Variants in HHAT observed in about 807,000 individuals in gnomAD.
HHAT encodes hedgehog acyltransferase, also known as protein-cysteine N-palmitoyltransferase HHAT.
A neutral mutation model predicts 70.8 loss-of-function variants in HHAT; 47 were observed. The observed-to-expected ratio is 0.66, with a 90% CI of 0.53 to 0.85. The LOEUF is 0.85. Ranked by LOEUF, HHAT falls within the 40% of genes least tolerant of loss-of-function variation. HHAT has a pLI of 0.00. For synonymous variants in HHAT, 228 were observed against 247.6 expected (o/e 0.92, Z 0.74); for missense variants, 609 against 604.8 (o/e 1.01, Z -0.07).
At chr1:210,673,762 A>ATTATTTATTTAT (rs58146322) in intron 11 of HHAT, among the ~76,000 whole-genome samples, 5 of 92,044 alleles carry the variant, frequency 5.4e-5, no homozygotes, top group South Asian at 4.7e-4. Context: ...TGGCTTATTT[A>ATTATTTATTTAT]TTATTTATTT....
rs1204851287 is a variant in HHAT, at chr1:210,635,776, G to A, written c.1390+12106G>A. On this transcript the variant is annotated intron_variant, in intron 11 of 11. Transcript: ENST00000261458. ...AATGGTCACTCCAGATTTCCCCTCTGTTTCTTTGGCTTTGCCCCTAGAATT... is the reference window on the plus strand; with the variant it reads ...AATGGTCACTCCAGATTTCCCCTCTATTTCTTTGGCTTTGCCCCTAGAATT... 2.0e-5 allele frequency among the ~76,000 whole-genome samples: 3 copies of A among 152,152 alleles called. No homozygotes were observed. In the East Asian group the frequency reaches 5.8e-4, roughly 29 times the overall value.
intron 10 of HHAT, among the ~76,000 whole-genome samples, chr1:210,616,345 C>G (rs574585175): frequency 8.0e-5 from 12 of 150,912 alleles, no homozygotes; most frequent in African/African-American, 2.9e-4. Context: ...TCCAACACCC[C>G]CTTTTCCCCC....
intron 9 of HHAT, among the ~76,000 whole-genome samples, chr1:210,584,183 C>CTG (rs1659909813): frequency 1.3e-5 from 2 of 151,752 alleles, no homozygotes; most frequent in Non-Finnish European, 2.9e-5. Context: ...CTCAAGTGAC[C>CTG]CCCCAGCCTC....
intron 11 of HHAT, chr1:210,631,261 T>C (rs1309745672): frequency 2.6e-6 from 1 of 384,922 alleles, no homozygotes; most frequent in Non-Finnish European, 5.1e-6. Context: ...AACCACTGTT[T>C]ACACCATGAA....
chr1:210,671,605 G>A (rs533700800), intron 11 of HHAT, among the ~76,000 whole-genome samples: 53 of 152,340 alleles, frequency 3.5e-4, no homozygotes, highest in African/African-American at 1.3e-3. Context: ...AGGACAGAGG[G>A]AAGAAGGCTC....
intron 9 of HHAT, among the ~76,000 whole-genome samples, chr1:210,545,091 A>AC (rs2095471483): frequency 1.3e-5 from 2 of 152,106 alleles, no homozygotes; most frequent in African/African-American, 4.8e-5. Flanking sequence ...AAAAAAAAAA[A>AC]ACCACACAAT....
intron 1 of HHAT, among the ~76,000 whole-genome samples, chr1:210,348,432 A>G (rs1054557855): frequency 2.6e-5 from 4 of 152,098 alleles, no homozygotes; most frequent in Non-Finnish European, 5.9e-5. Context: ...GACAACAAGG[A>G]TGGTGAACCT....
intron 2 of HHAT, among the ~76,000 whole-genome samples, chr1:210,356,792 T>C (rs1203434529): frequency 6.6e-6 from 1 of 152,228 alleles, no homozygotes; most frequent in African/African-American, 2.4e-5. Flanking sequence ...GGAACGTGGT[T>C]GCAAGATGAT....
At chr1:210,391,872 T>C (rs1285599606) in intron 4 of HHAT, among the ~76,000 whole-genome samples, 1 of 152,086 alleles carries the variant, frequency 6.6e-6, no homozygotes, top group Non-Finnish European at 1.5e-5. Context: ...TATGTGATTT[T>C]TTTTTCCCCC....
intron 9 of HHAT, among the ~76,000 whole-genome samples, chr1:210,565,234 G>A (rs764287805): frequency 6.6e-6 from 1 of 152,196 alleles, no homozygotes; most frequent in Non-Finnish European, 1.5e-5. Context: ...GGTTCGGGAA[G>A]GAGAGGGTGC....
chr1:210,416,380 C>T (rs2092721835), intron 6 of HHAT, among the ~76,000 whole-genome samples: 1 of 152,232 alleles, frequency 6.6e-6, no homozygotes, highest in Admixed American at 6.5e-5. Context: ...TAGCATTAGT[C>T]TGTCCTCTGC....
chr1:210,495,455 T>G (rs2094621428), intron 8 of HHAT, among the ~76,000 whole-genome samples: 1 of 152,162 alleles, frequency 6.6e-6, no homozygotes, highest in African/African-American at 2.4e-5. Context: ...GCAACATTTT[T>G]GACTCATCGG....
At chr1:210,648,291 G>A (rs1229288767) in intron 11 of HHAT, among the ~76,000 whole-genome samples, 2 of 152,204 alleles carry the variant, frequency 1.3e-5, no homozygotes, top group Non-Finnish European at 2.9e-5. Flanking sequence ...AATTTTGCAT[G>A]GAGAATCTGT....
chr1:210,641,262 A>G (rs1456878016), intron 11 of HHAT, among the ~76,000 whole-genome samples: 2 of 152,200 alleles, frequency 1.3e-5, no homozygotes, highest in Admixed American at 1.3e-4. Context: ...TATAACACAC[A>G]TATAGTAAAA....
chr1:210,449,551 A>G (rs1282571449), intron 7 of HHAT, among the ~76,000 whole-genome samples: 4 of 152,192 alleles, frequency 2.6e-5, no homozygotes, highest in Non-Finnish European at 1.5e-5. Flanking sequence ...CCTCCAAAAC[A>G]TCTCACTTCT....
intron 7 of HHAT, among the ~76,000 whole-genome samples, chr1:210,449,806 C>T (rs2093711462): frequency 6.6e-6 from 1 of 152,108 alleles, no homozygotes; most frequent in Admixed American, 6.5e-5. Context: ...TAATTCACAT[C>T]AGTTCATCAA....
intron 7 of HHAT, among the ~76,000 whole-genome samples, chr1:210,425,695 T>G (rs2093042421): frequency 6.6e-6 from 1 of 152,108 alleles, no homozygotes; most frequent in Non-Finnish European, 1.5e-5. Context: ...GTTTTGTCAG[T>G]CTATGTGTCG....
chr1:210,524,014 A>G (rs1279394502), intron 9 of HHAT, among the ~76,000 whole-genome samples: 4 of 152,236 alleles, frequency 2.6e-5, no homozygotes, highest in Non-Finnish European at 5.9e-5. Flanking sequence ...CGAGAACTGC[A>G]TGAATCCACT....
At chr1:210,674,237 C>T (rs777341595) in intron 11 of HHAT, 51 bp from the exon 12 acceptor site, 10 of 1,481,674 alleles carry the variant, frequency 6.7e-6, no homozygotes, top group Non-Finnish European at 8.5e-6. Context: ...TGTGGGATGT[C>T]CTGCCCCAAG....
Sources: allele counts gnomAD v4.1 joint callset (sites outside exome capture counted in the v4.1 genomes callset), GRCh38; gene constraint gnomAD v4.1.1; transcripts MANE v1.5; gene names NCBI Gene and HGNC (gene_info 2026-07-23, HGNC 2026-07-21).